Variants in CSMD1 observed in about 807,000 individuals in gnomAD.
CSMD1 encodes CUB and sushi domain-containing protein 1.
In CSMD1, 213 loss-of-function variants were observed where a neutral mutation model predicts 417.5. The observed-to-expected ratio is 0.51, with a 90% confidence interval of 0.46 to 0.57. The LOEUF (loss-of-function observed/expected upper bound fraction) is 0.57. CSMD1 is among the 20% of genes least tolerant of loss of function. The probability of loss-of-function intolerance (pLI) is 0.00; values close to 1 mark genes in which losing one functional copy is unlikely to be tolerated. For missense variants in CSMD1, 6,923 were observed against 4,529.7 expected, an observed-to-expected ratio of 1.53 and a Z score of -15.17; for synonymous variants, 2,862 against 1,736.8, an observed-to-expected ratio of 1.65 and a Z score of -16.11.
intron 67 of CSMD1, among the ~76,000 whole-genome samples, 161 bp downstream of exon 67, chr8:2,950,070 G>T (rs986577860): frequency 5.9e-5 from 9 of 152,066 alleles, no homozygotes; most frequent in Admixed American, 5.2e-4. Context: ...TAAAATGAAG[G>T]AATAAAATGG....
Position 4,379,234 on chromosome 8 carries a change from G to C in CSMD1, c.415+40719C>G, listed in dbSNP as rs1280331627. On this transcript the variant is annotated intron_variant, in intron 3 of 69. Coordinates refer to ENST00000635120, the MANE Select transcript of CSMD1 (RefSeq NM_033225.6). Reference sequence around the variant, plus strand: ...TCAACCAAATTATGGGAAAATATCAGAAAGCCTCAACATGTGGGACTTTTT... The same window carrying C: ...TCAACCAAATTATGGGAAAATATCACAAAGCCTCAACATGTGGGACTTTTT... Among the ~76,000 whole-genome samples the C allele has an allele frequency of 2.6e-5, 4 of 152,136 alleles. No individual in the cohort carries two copies. In the South Asian group the frequency reaches 6.2e-4, roughly 24 times the overall value.
chr8:3,314,930 C>T (rs1405718025), intron 23 of CSMD1, among the ~76,000 whole-genome samples: 3 of 152,216 alleles, frequency 2.0e-5, no homozygotes, highest in Admixed American at 1.3e-4. Context: ...CAGCTTCTAT[C>T]TGAGCAACTC....
intron 20 of CSMD1, among the ~76,000 whole-genome samples, chr8:3,366,471 T>C (rs1029763774): frequency 3.9e-5 from 6 of 152,212 alleles, no homozygotes; most frequent in African/African-American, 1.4e-4. Context: ...ATAAACCTTA[T>C]GCAAATATTA....
chr8:4,734,487 C>G (rs1810098378), intron 1 of CSMD1, among the ~76,000 whole-genome samples: 1 of 151,934 alleles, frequency 6.6e-6, no homozygotes, highest in African/African-American at 2.4e-5. Flanking sequence ...GCCAGAAGCT[C>G]TAAGATTTTT....
chr8:3,363,117 G>C (rs557206107), intron 20 of CSMD1, among the ~76,000 whole-genome samples: 1 of 152,222 alleles, frequency 6.6e-6, no homozygotes, highest in South Asian at 2.1e-4. Context: ...TTGGTGTCTT[G>C]GTCCTCCCAT....
chr8:4,053,597 T>G (rs532789682), intron 3 of CSMD1, among the ~76,000 whole-genome samples: 5 of 152,326 alleles, frequency 3.3e-5, no homozygotes, highest in African/African-American at 1.2e-4. Flanking sequence ...CTTAGCAACC[T>G]CTGATCTCCT....
chr8:3,089,035 C>T (rs542492675), intron 48 of CSMD1, among the ~76,000 whole-genome samples: 2 of 152,268 alleles, frequency 1.3e-5, no homozygotes, highest in African/African-American at 2.4e-5. Flanking sequence ...CAACATACCT[C>T]TTCTTTCCTA....
chr8:3,254,828 A>C (rs1236036963), intron 26 of CSMD1, among the ~76,000 whole-genome samples: 1 of 151,792 alleles, frequency 6.6e-6, no homozygotes, highest in African/African-American at 2.4e-5. Context: ...TTCCTCCTTT[A>C]GCTCGGGGTC....
intron 10 of CSMD1, among the ~76,000 whole-genome samples, chr8:3,551,567 C>G (rs866503890): frequency 7.5e-6 from 1 of 133,340 alleles, no homozygotes; most frequent in East Asian, 2.1e-4. Context: ...GAATTGTCTT[C>G]TAATAAATAT....
intron 6 of CSMD1, 32 bp downstream of exon 6, chr8:3,753,898 T>C: frequency 6.8e-7 from 1 of 1,463,948 alleles, no homozygotes; most frequent in Admixed American, 1.8e-5. Flanking sequence ...CGCTCTGTTT[T>C]TTTTTTTTCT....
At position 3,409,586 on chromosome 8, in the gene CSMD1, A is replaced by G. The variant is rs190257069; in HGVS notation, c.1581T>C (p.Cys527=). 3,250 of 1,595,858 alleles carry G rather than the reference A, an allele frequency of 2.0e-3. 3 individuals carry two copies. The highest frequency in any genetic ancestry group is 2.7e-3 in the Non-Finnish European group (3,104 of 1,169,502). The part of the protein sequence containing the change: ...AVYQEIEKGG[C]GDPGIPAYGK... Reference sequence around the variant, plus strand: ...CATAGGCGGGGATTCCAGGATCCCCACACCCTCCCTTTTCAATTTCTGAAA... The same window carrying G: ...CATAGGCGGGGATTCCAGGATCCCCGCACCCTCCCTTTTCAATTTCTGAAA... Residue 527 remains cysteine, a synonymous_variant, in exon 13 of 70, where the codon TGT becomes TGC. Coordinates refer to ENST00000635120, the MANE Select transcript of CSMD1 (RefSeq NM_033225.6).
At chr8:4,027,448 T>C (rs2688359) in intron 4 of CSMD1, among the ~76,000 whole-genome samples, 40,205 of 151,946 alleles carry the variant, frequency 0.26, 6,003 homozygotes, top group East Asian at 0.6. Context: ...GGGTCCTCCA[T>C]GCTGTTCTTG....
At chr8:2,989,855 G>T (rs1563211461) in intron 54 of CSMD1, among the ~76,000 whole-genome samples, 1 of 152,192 alleles carries the variant, frequency 6.6e-6, no homozygotes, top group Non-Finnish European at 1.5e-5. Context: ...GGCAGATTGG[G>T]TGAGTCTTCC....
At chr8:3,798,561 G>C (rs1161561578) in intron 5 of CSMD1, among the ~76,000 whole-genome samples, 2 of 152,060 alleles carry the variant, frequency 1.3e-5, no homozygotes, top group African/African-American at 2.4e-5. Flanking sequence ...CCAGAGTTTT[G>C]AGAGGTGATT....
At chr8:3,318,514 C>A (rs1355222280) in intron 23 of CSMD1, among the ~76,000 whole-genome samples, 1 of 151,966 alleles carries the variant, frequency 6.6e-6, no homozygotes, top group African/African-American at 2.4e-5. Flanking sequence ...TAAAAGTTAA[C>A]ATATTCCCTA....
chr8:3,643,304 C>T (rs1453940332), intron 7 of CSMD1, among the ~76,000 whole-genome samples: 1 of 151,494 alleles, frequency 6.6e-6, no homozygotes, highest in East Asian at 1.9e-4. Context: ...GAGGGACGGG[C>T]AAAGAAAGAG....
chr8:3,381,311 A>G (rs1026783153), intron 18 of CSMD1, among the ~76,000 whole-genome samples: 1 of 152,190 alleles, frequency 6.6e-6, no homozygotes, highest in African/African-American at 2.4e-5. Flanking sequence ...CTATGTTAAA[A>G]TTCTATTTTT....
At chr8:4,610,445 C>G (rs1355334313) in intron 2 of CSMD1, among the ~76,000 whole-genome samples, 1 of 152,136 alleles carries the variant, frequency 6.6e-6, no homozygotes, top group African/African-American at 2.4e-5. Context: ...CCAAAGGGGT[C>G]AGGTGTCTTC....
intron 3 of CSMD1, among the ~76,000 whole-genome samples, chr8:4,327,902 T>A (rs1267095619): frequency 1.3e-5 from 2 of 152,174 alleles, no homozygotes; most frequent in East Asian, 3.9e-4. Context: ...TGCTTCCAGG[T>A]CCCTAATTTT....
Sources: allele counts gnomAD v4.1 joint callset (sites outside exome capture counted in the v4.1 genomes callset), GRCh38; gene constraint gnomAD v4.1.1; transcripts MANE v1.5; gene names NCBI Gene and HGNC (gene_info 2026-07-23, HGNC 2026-07-21).